The following SEC23B variants were observed in gnomAD, a reference collection of about 807,000 sequenced individuals.
SEC23B encodes protein transport protein Sec23B.
SEC23B carries 77 observed loss-of-function variants against 104.3 expected under a neutral mutation model. The observed-to-expected ratio is 0.74, with a 90% confidence interval of 0.61 to 0.89. The LOEUF (loss-of-function observed/expected upper bound fraction) is 0.89, where lower values mean the gene tolerates loss of function less well. SEC23B is among the 40% of genes least tolerant of loss of function. The probability of loss-of-function intolerance (pLI) is 0.00; values close to 1 mark genes in which losing one functional copy is unlikely to be tolerated. For missense variants in SEC23B, 885 were observed against 949.4 expected (o/e 0.93, Z 0.89); for synonymous variants, 338 against 332.5 (o/e 1.02, Z -0.18).
In SEC23B at chr20:18,560,778, T is replaced by G. The variant is rs752997048; in HGVS notation, c.*38T>G. The G allele has an allele frequency of 7.4e-6, 11 of 1,479,674 alleles. No individual in the cohort carries two copies. In the Admixed American group the frequency reaches 1.8e-4, roughly 25 times the overall value. The allele number at this position is 1,479,674 out of a possible 1,614,324, so 91.7% of individuals were successfully genotyped here. ...ACCAGGAAATGCAACGGTGTCAGAT[T>G]GTGTTCAAAATGTCTAGAAAGGCTT... On this transcript the variant is annotated 3_prime_UTR_variant, in exon 20 of 20. Transcript: ENST00000650089.
At chr20:18,557,728 T>C (rs568020386) in intron 19 of SEC23B, among the ~76,000 whole-genome samples, 25 of 145,502 alleles carry the variant, frequency 1.7e-4, no homozygotes, top group Admixed American at 8.6e-4. Context: ...AGCCATTCTT[T>C]TTTTCTTTTT....
chr20:18,516,743 C>CTT (rs2060031972), intron 4 of SEC23B, among the ~76,000 whole-genome samples: 1 of 151,592 alleles, frequency 6.6e-6, no homozygotes, highest in Non-Finnish European at 1.5e-5. Flanking sequence ...TTAGTAGAGA[C>CTT]GGGGTTTCAC....
chr20:18,530,402 T>C (rs574349424), intron 9 of SEC23B, among the ~76,000 whole-genome samples: 1 of 152,098 alleles, frequency 6.6e-6, no homozygotes, highest in South Asian at 2.1e-4. Context: ...TGGCTACTAA[T>C]CTTTGTGTTT....
rs749449660 is a variant in SEC23B, at chr20:18,510,879, A to T, written c.44A>T (p.Asp15Val). 6.2e-7 allele frequency: 1 copy of T among 1,614,140 alleles called. No individual in the cohort carries two copies. Among genetic ancestry groups the T allele is most frequent in the Admixed American group, 1.7e-5 (1 of 60,022 alleles). The change falls in exon 2 of 20, where the codon GAT becomes GTT. Residue 15 changes from aspartate to valine, a missense_variant. Asp to Val is a radical substitution (Grantham distance 152, BLOSUM62 -3). Transcript: ENST00000650089. ...TTCATCCAGCAGAATGAAGAACGGG[A>T]TGGTGTGCGTTTTAGTTGGAACGTG... ...LEFIQQNEER[D>V]GVRFSWNVWP...
Position 18,553,929 on chromosome 20 carries a change from GA to G in SEC23B, c.1993-302del, listed in dbSNP as rs11475020. ...AGACTGAGTGATAACAGTGGAAGTGGAAAAGGAGGGAGTCCACCGCTCCTTG... is the reference window on the plus strand; with the variant it reads ...AGACTGAGTGATAACAGTGGAAGTGGAAAGGAGGGAGTCCACCGCTCCTTG... On this transcript the variant is annotated intron_variant, in intron 17 of 19. Transcript: ENST00000650089. Among the ~76,000 whole-genome samples the G allele has an allele frequency of 0.68, 103,483 of 152,024 alleles. 36,667 individuals carry two copies. The highest frequency in any genetic ancestry group is 0.8 in the Non-Finnish European group (54,109 of 67,974).
At chr20:18,552,339 A>T (rs1284360772) in intron 17 of SEC23B, among the ~76,000 whole-genome samples, 1 of 152,206 alleles carries the variant, frequency 6.6e-6, no homozygotes, top group Non-Finnish European at 1.5e-5. Flanking sequence ...ACTTGCACGC[A>T]AGTGCTAGGC....
At chr20:18,522,566 A>T (rs2060093616) in intron 4 of SEC23B, among the ~76,000 whole-genome samples, 1 of 152,176 alleles carries the variant, frequency 6.6e-6, no homozygotes, top group South Asian at 2.1e-4. Context: ...TCGTAGGCGG[A>T]TCTCTTCACG....
chr20:18,560,741 G>T lies in SEC23B; in HGVS notation c.*1G>T. On this transcript the variant is annotated 3_prime_UTR_variant, in exon 20 of 20. Coordinates refer to ENST00000650089, the MANE Select transcript of SEC23B (RefSeq NM_006363.6). ...GCTGGCTGTCTCCAGTGCCTGTTAA[G>T]CTGAGGATACAACCAGGAAATGCAA... 1 of 1,610,814 alleles carries T rather than the reference G, an allele frequency of 6.2e-7. No homozygotes were observed.
chr20:18,512,222 C>T lies in SEC23B; in HGVS notation c.222-3C>T. The T allele has an allele frequency of 1.3e-6, 2 of 1,572,748 alleles. No individual in the cohort carries two copies. The highest frequency in any genetic ancestry group is 2.3e-5 in the South Asian group (2 of 87,604). ...CTACTTATAATATTTATCTTTCTCACAGTCAGGTTGATTATCGAGCAAAAC... is the reference window on the plus strand; with the variant it reads ...CTACTTATAATATTTATCTTTCTCATAGTCAGGTTGATTATCGAGCAAAAC... On this transcript the variant is annotated splice_polypyrimidine_tract_variant and splice_region_variant and intron_variant, in intron 2 of 19. Coordinates refer to ENST00000650089, the MANE Select transcript of SEC23B (RefSeq NM_006363.6).
At chr20:18,537,731 TATA>T (rs1199945709) in intron 12 of SEC23B, among the ~76,000 whole-genome samples, 2 of 151,910 alleles carry the variant, frequency 1.3e-5, no homozygotes, top group African/African-American at 2.4e-5. Context: ...AAACTTAAAG[TATA>T]ATAATAATAA....
intron 17 of SEC23B, among the ~76,000 whole-genome samples, chr20:18,552,536 G>A (rs936749214): frequency 5.3e-5 from 8 of 152,152 alleles, no homozygotes; most frequent in Non-Finnish European, 1.0e-4. Flanking sequence ...AGCACAGGCC[G>A]GGTGTGGTAG....
rs756949822 is a variant in SEC23B at position 18,512,201 on chromosome 20, TTATAA to T, written c.222-20_222-16del. On this transcript the variant is annotated intron_variant, in intron 2 of 19. Transcript: ENST00000650089. ...TTTTAAAAATAAAAGTGGTACCTAC[TTATAA>T]TATTTATCTTTCTCACAGTCAGGTT... 9 of 1,478,818 alleles carry T rather than the reference TTATAA, an allele frequency of 6.1e-6. No individual in the cohort carries two copies. Among genetic ancestry groups the T allele is most frequent in the East Asian group, 2.3e-5 (1 of 43,844 alleles). 91.6% of individuals were successfully genotyped at this position (1,478,818 alleles called of 1,614,324 possible).
At chr20:18,552,716 A>G (rs1421995482) in intron 17 of SEC23B, among the ~76,000 whole-genome samples, 1 of 152,136 alleles carries the variant, frequency 6.6e-6, no homozygotes, top group Non-Finnish European at 1.5e-5. Flanking sequence ...CGGGAGGCTG[A>G]GGCAGGAGAA....
At chr20:18,526,014 A>C (rs1295502022) in intron 7 of SEC23B, 82 bp downstream of exon 7, 1 of 1,467,254 alleles carries the variant, frequency 6.8e-7, no homozygotes, top group African/African-American at 1.4e-5. Flanking sequence ...TTTGAAAATC[A>C]CTTGTGATCT....
chr20:18,525,065 C>A (rs765321289), intron 6 of SEC23B, 45 bp downstream of exon 6: 2 of 1,505,688 alleles, frequency 1.3e-6, no homozygotes, highest in East Asian at 2.3e-5. Flanking sequence ...GATGGACATG[C>A]AGATGATCCA....
At chr20:18,545,532 AAAAC>A (rs2060324280) in intron 14 of SEC23B, among the ~76,000 whole-genome samples, 1 of 152,194 alleles carries the variant, frequency 6.6e-6, no homozygotes, top group Admixed American at 6.5e-5. Flanking sequence ...GCGGGAAGAG[AAAAC>A]ATTGTGGTTC....
In SEC23B at chr20:18,560,716, G is replaced by A. The variant is rs771285875; in HGVS notation, c.2280G>A (p.Lys760=). The change falls in exon 20 of 20, where the codon AAG becomes AAA. Residue 760 remains lysine (K), a synonymous_variant. Transcript: ENST00000650089. ...SLQVFMDHLK[K]LAVSSAC is the part of the protein sequence containing the mutation. ...AGGTGTTCATGGACCATTTGAAGAA[G>A]CTGGCTGTCTCCAGTGCCTGTTAAG... The A allele has an allele frequency of 6.2e-7, 1 of 1,613,934 alleles. No individual in the cohort carries two copies. Among genetic ancestry groups the A allele is most frequent in the African/African-American group, 1.3e-5 (1 of 74,928 alleles).
rs2060384024 is a variant in SEC23B, at chr20:18,551,167, C to T, written c.1984C>T (p.Leu662Phe). 2.6e-6 allele frequency: 4 copies of T among 1,552,390 alleles called. No individual in the cohort carries two copies. The highest frequency in any genetic ancestry group is 2.7e-5 in the African/African-American group (2 of 73,722). The change falls in exon 17 of 20, where the codon CTT (leucine) becomes TTT (phenylalanine). Residue 662 changes from leucine to phenylalanine, a missense_variant. Physicochemically the swap from Leu to Phe is conservative, Grantham distance 22. Transcript: ENST00000650089. ...TACTTTCTTTCAAATTGTCATTTAT[C>T]TTGGTGAGGTAAGATGATATTATTA... Reference protein sequence around the residue: ...MDTFFQIVIYLGETIAQWRKA... With the variant: ...MDTFFQIVIYFGETIAQWRKA...
chr20:18,514,245 C>T lies in SEC23B; in HGVS notation c.280-1405C>T, dbSNP rs78552223. 5.2e-3 allele frequency among the ~76,000 whole-genome samples: 788 copies of T among 152,268 alleles called. 9 individuals are homozygous for T. Among genetic ancestry groups the T allele is most frequent in the South Asian group, 0.04 (195 of 4,820 alleles). On this transcript the variant is annotated intron_variant, in intron 3 of 19. Coordinates refer to ENST00000650089, the MANE Select transcript of SEC23B (RefSeq NM_006363.6). ...AAGACGGAGGGATCAGGGTGATCTC[C>T]GTCTCCTTTGCTCCCTTCTGTGCAG...
Sources: allele counts gnomAD v4.1 joint callset (sites outside exome capture counted in the v4.1 genomes callset), GRCh38; gene constraint gnomAD v4.1.1; transcripts MANE v1.5; gene names NCBI Gene and HGNC (gene_info 2026-07-23, HGNC 2026-07-21).